Variants in DENND4B observed in about 807,000 individuals in gnomAD.
DENND4B encodes the protein DENN domain-containing protein 4B.
DENND4B carries 67 observed loss-of-function variants against 161.0 expected under a neutral mutation model. The ratio of observed to expected loss-of-function variants is 0.42; its 90% CI spans 0.34 to 0.51. The LOEUF is 0.51. DENND4B is among the 20% of genes least tolerant of loss of function. DENND4B has a pLI of 0.08. For synonymous variants in DENND4B, 753 were observed against 813.8 expected, an observed-to-expected ratio of 0.93 and a Z score of 1.27; for missense variants, 1,481 against 1,968.0, an observed-to-expected ratio of 0.75 and a Z score of 4.68.
intron 12 of DENND4B, 126 bp downstream of exon 12, chr1:153,939,463 A>C (rs1679543780): frequency 2.7e-6 from 3 of 1,106,686 alleles, no homozygotes; most frequent in African/African-American, 1.6e-5. Context: ...TGCCCATAAA[A>C]ACATTTGCCT....
At chr1:153,945,068 G>C (rs554166037) in intron 1 of DENND4B, 6 of 1,278,276 alleles carry the variant, frequency 4.7e-6, no homozygotes, top group Admixed American at 2.4e-5. Context: ...GACAAGTCCC[G>C]GCCATCCCAC....
chr1:153,943,682 A>G (rs79250721), intron 2 of DENND4B, among the ~76,000 whole-genome samples: 1 of 150,658 alleles, frequency 6.6e-6, no homozygotes, highest in Non-Finnish European at 1.5e-5. Flanking sequence ...TGTCTATAAA[A>G]AAAAAAAAAA....
At position 153,940,405 on chromosome 1, in the gene DENND4B, C is replaced by A; in HGVS notation, c.1502+26G>T. ...CCCATTCCTGCCCACCACCCTGCAG[C>A]CCCCAAATGAGACCCAGCCTCTTAC... On this transcript the variant is annotated intron_variant, in intron 10 of 27. Coordinates refer to ENST00000361217, the MANE Select transcript of DENND4B (RefSeq NM_014856.3). This position sits in a 1 kb window ranked among gnomAD's most constrained non-coding sequence, Gnocchi z 5.6. The A allele has an allele frequency of 6.2e-7, 1 of 1,606,164 alleles. No individual in the cohort carries two copies.
chr1:153,934,324 T>A lies in DENND4B; in HGVS notation c.2774-22A>T, dbSNP rs769510809. 11 of 1,560,104 alleles carry A rather than the reference T, an allele frequency of 7.1e-6. No homozygotes were observed. The highest frequency in any genetic ancestry group is 9.5e-6 in the Non-Finnish European group (11 of 1,157,868). On this transcript the variant is annotated intron_variant, in intron 18 of 27. Transcript: ENST00000361217. This position sits in a 1 kb window ranked among gnomAD's most constrained non-coding sequence, Gnocchi z 5.3. ...GGCTCTGTAAAAGACGAGAAGGGGTTTAGAGGCGGCCAGCTAGGAACCCAG... is the reference window on the plus strand; with the variant it reads ...GGCTCTGTAAAAGACGAGAAGGGGTATAGAGGCGGCCAGCTAGGAACCCAG...
At chr1:153,935,866 TG>T in intron 17 of DENND4B, 193 bp downstream of exon 17, 1 of 620,538 alleles carries the variant, frequency 1.6e-6, no homozygotes, top group Non-Finnish European at 2.7e-6. Context: ...CTGTCATGAG[TG>T]GGAATCAAAG....
In DENND4B at chr1:153,940,752, T is replaced by C; in HGVS notation, c.1327-146A>G. The C allele has an allele frequency of 7.0e-7, 1 of 1,433,808 alleles. No homozygotes were observed. The highest frequency in any genetic ancestry group is 9.3e-7 in the Non-Finnish European group (1 of 1,072,584). 88.8% of individuals were successfully genotyped at this position (1,433,808 alleles called of 1,614,324 possible). On this transcript the variant is annotated intron_variant, in intron 9 of 27. Coordinates refer to ENST00000361217, the MANE Select transcript of DENND4B (RefSeq NM_014856.3). This position sits in a 1 kb window ranked among gnomAD's most constrained non-coding sequence, Gnocchi z 5.6. ...GAAGTAGGCTCTAGAGAAGAGCTCC[T>C]GATGGAAGCTATGTGTTCCTGCAGG...
rs545086179 is a variant in DENND4B, at chr1:153,940,745, G to C, written c.1327-139C>G. On this transcript the variant is annotated intron_variant, in intron 9 of 27. Coordinates refer to ENST00000361217, the MANE Select transcript of DENND4B (RefSeq NM_014856.3). The surrounding 1 kb of genome is among the most constrained non-coding windows in gnomAD (Gnocchi z 5.6). ...GCTGTTGGAAGTAGGCTCTAGAGAA[G>C]AGCTCCTGATGGAAGCTATGTGTTC... The C allele has an allele frequency of 2.2e-4, 321 of 1,437,488 alleles. 2 individuals are homozygous for C. The African/African-American group carries it at 4.0e-3, about 18-fold the overall frequency. 89.0% of individuals were successfully genotyped at this position (1,437,488 alleles called of 1,614,324 possible).
At position 153,940,892 on chromosome 1, in the gene DENND4B, G is replaced by A. The variant is rs1486988156; in HGVS notation, c.1326+12C>T. ...GTTCTGGGGAAGATGGGCCAGGCGG[G>A]GCGGCACTCACCGAGACGAGGGCCT... On this transcript the variant is annotated intron_variant, in intron 9 of 27. Transcript: ENST00000361217. This position sits in a 1 kb window ranked among gnomAD's most constrained non-coding sequence, Gnocchi z 5.6. 10 of 1,555,858 alleles carry A rather than the reference G, an allele frequency of 6.4e-6. No homozygotes were observed. Among genetic ancestry groups the A allele is most frequent in the Non-Finnish European group, 8.7e-6 (10 of 1,154,532 alleles).
intron 6 of DENND4B, 89 bp downstream of exon 6, chr1:153,941,780 C>CGGGGGG: frequency 1.6e-5 from 9 of 558,820 alleles, no homozygotes; most frequent in Admixed American, 2.3e-5. Flanking sequence ...GCCCAGCCCT[C>CGGGGGG]CCCCCACCCA....
chr1:153,941,039 G>A lies in DENND4B; in HGVS notation c.1191C>T (p.Ser397=). The A allele has an allele frequency of 1.3e-6, 2 of 1,558,222 alleles. No homozygotes were observed. The highest frequency in any genetic ancestry group is 1.7e-6 in the Non-Finnish European group (2 of 1,153,258). The change falls in exon 9 of 28, where the codon AGC becomes AGT. Residue 397 remains serine (S), a synonymous_variant. Coordinates refer to ENST00000361217, the MANE Select transcript of DENND4B (RefSeq NM_014856.3). The part of the protein sequence containing the change: ...VSSPLPLSGA[S]FLQLLQSLGP... The stretch of plus-strand genomic sequence containing the variant: ...CCAGGCTCTGCAGCAGCTGCAGGAA[G>A]CTGGCACCACTGCAGGCAATGCCGA...
rs1044946430 is a variant in DENND4B at position 153,931,199 on chromosome 1, AT to A, written c.3997-136del. ...AAAGAGAAGTGGGAAAGGAATTCTT[AT>A]CCCCCACAAGAATGTAAGCTCTTGA... is the stretch of plus-strand genomic sequence containing the variant. On this transcript the variant is annotated intron_variant, in intron 24 of 27. Transcript: ENST00000361217. The A allele has an allele frequency of 1.3e-5, 9 of 710,408 alleles. No individual in the cohort carries two copies. The African/African-American group carries it at 1.6e-4, about 13-fold the overall frequency. The allele number at this position is 710,408 out of a possible 1,614,324, so 44.0% of individuals were successfully genotyped here.
At position 153,946,687 on chromosome 1, in the gene DENND4B, T is replaced by A. The variant is rs1227372103; in HGVS notation, c.-410A>T. On this transcript the variant is annotated 5_prime_UTR_variant, in exon 1 of 28. Transcript: ENST00000361217. The surrounding 1 kb of genome is among the most constrained non-coding windows in gnomAD (Gnocchi z 6.3). Reference sequence around the variant, plus strand: ...CCGCCGCTACCCCCACCCCTCCTCCTCGGCCGGCGGCCGTGACCCTGGCAA... The same window carrying A: ...CCGCCGCTACCCCCACCCCTCCTCCACGGCCGGCGGCCGTGACCCTGGCAA... The A allele has an allele frequency of 4.2e-5, 15 of 359,322 alleles. No individual in the cohort carries two copies. The East Asian group carries it at 5.5e-4, about 13-fold the overall frequency. 22.3% of individuals were successfully genotyped at this position (359,322 alleles called of 1,614,324 possible). A position where few individuals can be genotyped will look rare whatever the true frequency, so the allele number is the denominator to read the frequency against.
Position 153,942,818 on chromosome 1 carries a change from C to A in DENND4B, c.570+60G>T. The A allele has an allele frequency of 6.5e-7, 1 of 1,541,046 alleles. No individual in the cohort carries two copies. Among genetic ancestry groups the A allele is most frequent in the East Asian group, 2.3e-5 (1 of 43,818 alleles). On this transcript the variant is annotated intron_variant, in intron 3 of 27. Transcript: ENST00000361217. This position sits in a 1 kb window ranked among gnomAD's most constrained non-coding sequence, Gnocchi z 6.9. ...TTGGTCCTGGGATGCCCTTTGTTCCCAGTGTCCACACCCACTCTTACACCA... is the reference window on the plus strand; with the variant it reads ...TTGGTCCTGGGATGCCCTTTGTTCCAAGTGTCCACACCCACTCTTACACCA...
Position 153,932,160 on chromosome 1 carries a change from T to TG in DENND4B, c.3996+43dup. The TG allele has an allele frequency of 6.5e-7, 1 of 1,539,610 alleles. No individual in the cohort carries two copies. The highest frequency in any genetic ancestry group is 1.4e-5 in the African/African-American group (1 of 73,328). ...ACACAGTGGACAAATGGCTGAGAGA[T>TG]GAGGGAGGCACTTAGGAAACAGGGG... On this transcript the variant is annotated intron_variant, in intron 24 of 27. Coordinates refer to ENST00000361217, the MANE Select transcript of DENND4B (RefSeq NM_014856.3). The surrounding 1 kb of genome is among the most constrained non-coding windows in gnomAD (Gnocchi z 5.8).
Position 153,930,439 on chromosome 1 carries a change from G to T in DENND4B, c.4349C>A (p.Ala1450Asp). Residue 1450 changes from alanine to aspartate, a missense_variant, in exon 28 of 28, where the codon GCC (alanine) becomes GAC (aspartate). Transcript: ENST00000361217. The surrounding 1 kb of genome is among the most constrained non-coding windows in gnomAD (Gnocchi z 4.7). ...GGCAGACTTGTACTTCTTATCGAAGGCCACTAGGGAAGAAGGTGGAAGTCA... is the reference window on the plus strand; with the variant it reads ...GGCAGACTTGTACTTCTTATCGAAGTCCACTAGGGAAGAAGGTGGAAGTCA... ...ALGKDHVDIV[A>D]FDKKYKSAFN... 1 of 1,613,894 alleles carries T rather than the reference G, an allele frequency of 6.2e-7. No homozygotes were observed. Among genetic ancestry groups the T allele is most frequent in the Non-Finnish European group, 8.5e-7 (1 of 1,179,800 alleles).
In DENND4B at chr1:153,933,121, C is replaced by G. The variant is rs1679068900; in HGVS notation, c.3453+76G>C. On this transcript the variant is annotated intron_variant, in intron 21 of 27. Coordinates refer to ENST00000361217, the MANE Select transcript of DENND4B (RefSeq NM_014856.3). The surrounding 1 kb of genome is among the most constrained non-coding windows in gnomAD (Gnocchi z 5.7). The stretch of plus-strand genomic sequence containing the variant: ...TTCCCCAGCCCCTCCCACCTCCTCC[C>G]CATCTCCTGCCTTGGACAGGGTGAG... 1 of 1,610,056 alleles carries G rather than the reference C, an allele frequency of 6.2e-7. No individual in the cohort carries two copies. The highest frequency in any genetic ancestry group is 1.7e-5 in the Admixed American group (1 of 59,636).
At position 153,944,444 on chromosome 1, in the gene DENND4B, T is replaced by G; in HGVS notation, c.-23-47A>C. ...GAGATGAAGCAAGGAAGGCTGGGGA[T>G]GCCATGGCAACCAGGGTACCCTCTT... On this transcript the variant is annotated intron_variant, in intron 1 of 27. Transcript: ENST00000361217. This position sits in a 1 kb window ranked among gnomAD's most constrained non-coding sequence, Gnocchi z 4.8. 1 of 1,489,062 alleles carries G rather than the reference T, an allele frequency of 6.7e-7. No homozygotes were observed. Among genetic ancestry groups the G allele is most frequent in the Non-Finnish European group, 9.0e-7 (1 of 1,114,692 alleles). The allele number at this position is 1,489,062 out of a possible 1,614,324, so 92.2% of individuals were successfully genotyped here.
chr1:153,944,989 C>T lies in DENND4B; in HGVS notation c.-23-592G>A, dbSNP rs570642813. 2 of 909,374 alleles carry T rather than the reference C, an allele frequency of 2.2e-6. No individual in the cohort carries two copies. The highest frequency in any genetic ancestry group is 3.4e-5 in the South Asian group (2 of 59,016). The allele number at this position is 909,374 out of a possible 1,614,324, so 56.3% of individuals were successfully genotyped here. A position where few individuals can be genotyped will look rare whatever the true frequency, so the allele number is the denominator to read the frequency against. ...TCCTAGCTTAACTCCACCAATCTGG[C>T]CCAAAATCCAGTGTTCTCACACCTC... On this transcript the variant is annotated intron_variant, in intron 1 of 27. Coordinates refer to ENST00000361217, the MANE Select transcript of DENND4B (RefSeq NM_014856.3). The surrounding 1 kb of genome is among the most constrained non-coding windows in gnomAD (Gnocchi z 4.8).
rs1323637847 is a variant in DENND4B, at chr1:153,933,745, G to A, written c.3068C>T (p.Ser1023Leu). 5 of 1,600,548 alleles carry A rather than the reference G, an allele frequency of 3.1e-6. No individual in the cohort carries two copies. In the African/African-American group the frequency reaches 6.7e-5, roughly 21 times the overall value. The stretch of plus-strand genomic sequence containing the variant: ...CTCAGTGGACTGGGCACTCAGGGCT[G>A]AGCCTGAGCCCCCTGGGCTGCCTCC... ...LPGGSPGGSG[S>L]ALSAQSTEAL... The change falls in exon 20 of 28, where the codon TCA becomes TTA. Residue 1023 changes from serine (S) to leucine (L), a missense_variant. Ser to Leu is a moderately radical substitution (Grantham distance 145). Transcript: ENST00000361217. The surrounding 1 kb of genome is among the most constrained non-coding windows in gnomAD (Gnocchi z 5.7).
Sources: allele counts gnomAD v4.1 joint callset (sites outside exome capture counted in the v4.1 genomes callset), GRCh38; gene constraint gnomAD v4.1.1; non-coding constraint Gnocchi (gnomAD v3.1); transcripts MANE v1.5; gene names NCBI Gene and HGNC (gene_info 2026-07-23, HGNC 2026-07-21).